Variants in PRKCB observed in about 807,000 individuals in gnomAD.
PRKCB encodes the protein protein kinase C beta type.
In PRKCB, 13 loss-of-function variants were observed where a neutral mutation model predicts 81.5. The ratio of observed to expected loss-of-function variants is 0.16; its 90% confidence interval spans 0.10 to 0.25. PRKCB has a LOEUF of 0.25. Among genes scored for constraint, PRKCB ranks in the 10% least tolerant of loss-of-function variants. The pLI is 1.00. For missense variants in PRKCB, 509 were observed against 875.7 expected (o/e 0.58, Z 5.29); for synonymous variants, 335 against 321.4 (o/e 1.04, Z -0.45).
At chr16:24,206,463 C>G (rs1007211533) in intron 16 of PRKCB, among the ~76,000 whole-genome samples, 4 of 152,192 alleles carry the variant, frequency 2.6e-5, no homozygotes, top group Non-Finnish European at 5.9e-5. Flanking sequence ...GGGCAGGTAG[C>G]TCCCCTGAGC....
intron 2 of PRKCB, among the ~76,000 whole-genome samples, chr16:23,852,626 A>G (rs1239877088): frequency 6.6e-6 from 1 of 152,102 alleles, no homozygotes; most frequent in Non-Finnish European, 1.5e-5. Context: ...TTGGATAATG[A>G]GTTTAGAAAT....
chr16:23,847,378 GTCCATCTA>G (rs1962392614), intron 2 of PRKCB, among the ~76,000 whole-genome samples: 2 of 5,026 alleles, frequency 4.0e-4, no homozygotes, highest in Non-Finnish European at 6.9e-4. Context: ...CTATCTATCT[GTCCATCTA>G]TCTATCTATC....
chr16:23,999,002 C>G (rs1964996168), intron 3 of PRKCB, among the ~76,000 whole-genome samples: 1 of 152,230 alleles, frequency 6.6e-6, no homozygotes, highest in African/African-American at 2.4e-5. Flanking sequence ...ATGATTCTAT[C>G]TCTGGATACA....
intron 7 of PRKCB, 110 bp downstream of exon 7, chr16:24,094,407 A>G (rs1966413751): frequency 4.3e-6 from 6 of 1,389,424 alleles, no homozygotes; most frequent in South Asian, 4.1e-5. Flanking sequence ...CAGAGTCCCA[A>G]AGTGAAGTCT....
At chr16:24,148,045 C>A (rs1000517687) in intron 9 of PRKCB, among the ~76,000 whole-genome samples, 3 of 152,150 alleles carry the variant, frequency 2.0e-5, no homozygotes, top group African/African-American at 7.2e-5. Context: ...TCTGCTACAT[C>A]TCAGAGAGAT....
intron 8 of PRKCB, among the ~76,000 whole-genome samples, chr16:24,119,635 C>A (rs1420353013): frequency 6.6e-6 from 1 of 151,860 alleles, no homozygotes; most frequent in Non-Finnish European, 1.5e-5. Context: ...GTGTTTGGGT[C>A]AGGCCAGCTT....
intron 2 of PRKCB, among the ~76,000 whole-genome samples, chr16:23,911,128 CTTTTT>C (rs567904157): frequency 0.013 from 396 of 31,556 alleles, 8 homozygotes; most frequent in African/African-American, 0.037. Context: ...CGTATATATG[CTTTTT>C]TTTTTTTTTT....
intron 2 of PRKCB, among the ~76,000 whole-genome samples, chr16:23,965,448 A>G (rs987080672): frequency 6.6e-6 from 1 of 152,200 alleles, no homozygotes; most frequent in Non-Finnish European, 1.5e-5. Context: ...CTTACTCTTG[A>G]ATCTGGAGCA....
At chr16:24,147,818 G>A (rs1233425235) in intron 9 of PRKCB, among the ~76,000 whole-genome samples, 1 of 152,112 alleles carries the variant, frequency 6.6e-6, no homozygotes, top group African/African-American at 2.4e-5. Flanking sequence ...GATAGCAGCA[G>A]TTTCCACCTT....
At chr16:23,973,431 C>T (rs1282242952) in intron 2 of PRKCB, among the ~76,000 whole-genome samples, 2 of 152,116 alleles carry the variant, frequency 1.3e-5, no homozygotes, top group African/African-American at 4.8e-5. Context: ...GATTCACCTG[C>T]CTCGGCCTCT....
At chr16:24,141,695 T>C (rs1366027856) in intron 9 of PRKCB, among the ~76,000 whole-genome samples, 1 of 152,192 alleles carries the variant, frequency 6.6e-6, no homozygotes, top group Non-Finnish European at 1.5e-5. Flanking sequence ...ATTTTAGAAG[T>C]TGACAGACGG....
At chr16:23,976,296 T>C (rs1964624290) in intron 2 of PRKCB, among the ~76,000 whole-genome samples, 1 of 151,972 alleles carries the variant, frequency 6.6e-6, no homozygotes, top group Non-Finnish European at 1.5e-5. Context: ...AGATTCTGTC[T>C]CAAAAAAACC....
chr16:24,153,301 G>A (rs1285916769), intron 9 of PRKCB, among the ~76,000 whole-genome samples: 1 of 152,072 alleles, frequency 6.6e-6, no homozygotes, highest in Non-Finnish European at 1.5e-5. Context: ...TTAATTTCCT[G>A]CAATATGGGA....
intron 2 of PRKCB, among the ~76,000 whole-genome samples, chr16:23,903,293 G>A (rs540602913): frequency 5.3e-5 from 8 of 151,984 alleles, no homozygotes; most frequent in African/African-American, 1.9e-4. Flanking sequence ...GTGCACCCAC[G>A]TGTGTGTGGG....
intron 2 of PRKCB, among the ~76,000 whole-genome samples, chr16:23,897,764 A>C (rs1390244420): frequency 6.6e-6 from 1 of 152,122 alleles, no homozygotes; most frequent in Non-Finnish European, 1.5e-5. Context: ...ATATATCTTT[A>C]AAGTTAAATC....
At chr16:24,009,712 G>A (rs1367087652) in intron 3 of PRKCB, among the ~76,000 whole-genome samples, 1 of 151,798 alleles carries the variant, frequency 6.6e-6, no homozygotes, top group Non-Finnish European at 1.5e-5. Flanking sequence ...CTGCTTTTGA[G>A]CACTTAAAAA....
intron 2 of PRKCB, among the ~76,000 whole-genome samples, chr16:23,954,980 G>A (rs1300690675): frequency 1.3e-5 from 2 of 152,168 alleles, no homozygotes; most frequent in African/African-American, 2.4e-5. Flanking sequence ...TTTTCAAGCT[G>A]TGGCATAAGA....
intron 2 of PRKCB, among the ~76,000 whole-genome samples, chr16:23,986,794 A>G (rs1450567568): frequency 6.6e-6 from 1 of 152,192 alleles, no homozygotes; most frequent in East Asian, 1.9e-4. Flanking sequence ...TAACATTAGT[A>G]TAATGCATCC....
At chr16:24,047,370 A>G (rs1392469831) in intron 5 of PRKCB, among the ~76,000 whole-genome samples, 1 of 151,826 alleles carries the variant, frequency 6.6e-6, no homozygotes, top group Non-Finnish European at 1.5e-5. Context: ...ATAAAATAAA[A>G]TAAAATACAA....
Sources: gnomAD v4.1 joint callset for allele counts (sites outside exome capture counted in the v4.1 genomes callset) on GRCh38, gnomAD v4.1.1 for gene constraint, MANE v1.5 for transcripts, NCBI Gene and HGNC (gene_info 2026-07-23, HGNC 2026-07-21) for gene names.